SLC25A12: variants seen among roughly 807,000 people sequenced by gnomAD.
The protein encoded by SLC25A12 is solute carrier family 25 member 12.
A neutral mutation model predicts 83.3 loss-of-function variants in SLC25A12; 32 were observed. The ratio of observed to expected loss-of-function variants is 0.38; its 90% CI spans 0.29 to 0.52. The LOEUF is 0.52. Among genes scored for constraint, SLC25A12 ranks in the 20% least tolerant of loss-of-function variants. The probability of loss-of-function intolerance (pLI) is 0.84; values close to 1 mark genes in which losing one functional copy is unlikely to be tolerated. For synonymous variants in SLC25A12, 267 were observed against 291.1 expected (o/e 0.92, Z 0.84); for missense variants, 611 against 835.6 (o/e 0.73, Z 3.31).
intron 9 of SLC25A12, among the ~76,000 whole-genome samples, chr2:171,822,021 C>A (rs1463625398): frequency 1.3e-5 from 2 of 151,916 alleles, no homozygotes; most frequent in Non-Finnish European, 1.5e-5. Context: ...TGTTGAATAT[C>A]CATCATTAAT....
At chr2:171,872,081 A>G (rs569904128) in intron 2 of SLC25A12, among the ~76,000 whole-genome samples, 18 of 152,254 alleles carry the variant, frequency 1.2e-4, no homozygotes, top group Admixed American at 1.1e-3. Flanking sequence ...TGTTCTCTAT[A>G]CATGACTATA....
intron 3 of SLC25A12, among the ~76,000 whole-genome samples, chr2:171,857,723 A>C (rs944337607): frequency 1.3e-5 from 2 of 151,744 alleles, no homozygotes; most frequent in African/African-American, 4.8e-5. Flanking sequence ...TAAAAGGAAA[A>C]ATCAAAACAA....
intron 13 of SLC25A12, among the ~76,000 whole-genome samples, chr2:171,806,181 C>T (rs961664773): frequency 2.0e-5 from 3 of 152,080 alleles, no homozygotes; most frequent in South Asian, 4.2e-4. Context: ...TCATAAAGAC[C>T]GGGTGTGGTG....
intron 3 of SLC25A12, among the ~76,000 whole-genome samples, chr2:171,864,605 G>C (rs911116713): frequency 2.6e-5 from 4 of 152,118 alleles, no homozygotes; most frequent in African/African-American, 4.8e-5. Context: ...GAGCACATGC[G>C]CACGCACACA....
chr2:171,808,902 T>C (rs982673954), intron 13 of SLC25A12, among the ~76,000 whole-genome samples: 2 of 142,578 alleles, frequency 1.4e-5, no homozygotes, highest in South Asian at 5.1e-4. Context: ...CCCTGCCCTG[T>C]GTCCAGGTGT....
intron 6 of SLC25A12, 81 bp downstream of exon 6, chr2:171,837,040 G>A (rs1684575381): frequency 7.4e-7 from 1 of 1,344,868 alleles, no homozygotes; most frequent in Admixed American, 1.8e-5. Context: ...AGAGTCATAT[G>A]AGTCCCTGGA....
intron 2 of SLC25A12, among the ~76,000 whole-genome samples, chr2:171,889,824 G>A (rs544637060): frequency 6.6e-6 from 1 of 151,942 alleles, no homozygotes; most frequent in African/African-American, 2.4e-5. Context: ...CACATAGTCT[G>A]ACATTAATTT....
At position 171,791,477 on chromosome 2, in the gene SLC25A12, T is replaced by C. The variant is rs1683455825; in HGVS notation, c.1559A>G (p.Asn520Ser). 6.2e-7 allele frequency: 1 copy of C among 1,614,004 alleles called. No homozygotes were observed. The highest frequency in any genetic ancestry group is 8.5e-7 in the Non-Finnish European group (1 of 1,180,012). Residue 520 changes from asparagine to serine, a missense_variant, in exon 15 of 18, where the codon AAT (asparagine) becomes AGT (serine). Around this residue, in one of 3 missense-constraint regions of SLC25A12, gnomAD observed 540 missense variants for 777.5 expected, o/e 0.69. Transcript: ENST00000422440. ...ADENGHVGGL[N>S]LLAAGAMAGV... ...TGCCATGGCTCCAGCTGCAAGAAGA[T>C]TTAAACCTCCCACGTGTCCATTTTC...
chr2:171,827,028 T>A (rs1359788408), intron 8 of SLC25A12, 146 bp from the exon 9 acceptor site: 5 of 651,314 alleles, frequency 7.7e-6, no homozygotes, highest in Non-Finnish European at 1.4e-5. Context: ...TTTAGTGAAA[T>A]AAAAACCTTT....
At chr2:171,873,510 CATGAAA>C (rs947764887) in intron 2 of SLC25A12, among the ~76,000 whole-genome samples, 5 of 152,068 alleles carry the variant, frequency 3.3e-5, no homozygotes, top group African/African-American at 1.2e-4. Context: ...ACACAGTGGG[CATGAAA>C]AAGAAGACAG....
chr2:171,861,127 A>AAAT (rs531064562), intron 3 of SLC25A12, among the ~76,000 whole-genome samples: 5 of 150,776 alleles, frequency 3.3e-5, no homozygotes, highest in African/African-American at 9.7e-5. Context: ...ATAAATAATA[A>AAAT]AATAATAATA....
intron 4 of SLC25A12, 135 bp downstream of exon 4, chr2:171,855,699 C>A: frequency 1.4e-6 from 1 of 724,646 alleles, no homozygotes; most frequent in Admixed American, 2.1e-5. Flanking sequence ...TCATTATCTG[C>A]ATAAATCCTT....
At chr2:171,791,696 T>A in intron 14 of SLC25A12, 107 bp from the exon 15 acceptor site, 1 of 1,044,566 alleles carries the variant, frequency 9.6e-7, no homozygotes, top group East Asian at 2.4e-5. Flanking sequence ...TGTCCCTCAG[T>A]GACAAGCCTG....
At chr2:171,842,266 C>A (rs549226470) in intron 5 of SLC25A12, among the ~76,000 whole-genome samples, 2 of 150,676 alleles carry the variant, frequency 1.3e-5, no homozygotes, top group Non-Finnish European at 3.0e-5. Flanking sequence ...AAACATTATG[C>A]TAAGTGGAAA....
chr2:171,852,188 G>A (rs901508380), intron 4 of SLC25A12, among the ~76,000 whole-genome samples: 2 of 152,164 alleles, frequency 1.3e-5, no homozygotes, highest in African/African-American at 2.4e-5. Flanking sequence ...GTTCTGAAAT[G>A]GATTTCCAAG....
At chr2:171,812,804 T>C (rs1341104067) in intron 11 of SLC25A12, among the ~76,000 whole-genome samples, 1 of 151,468 alleles carries the variant, frequency 6.6e-6, no homozygotes, top group Non-Finnish European at 1.5e-5. Context: ...TTTTCCTTTT[T>C]TTTTTTTTTT....
chr2:171,880,843 T>G (rs181838469), intron 2 of SLC25A12, among the ~76,000 whole-genome samples: 39 of 152,312 alleles, frequency 2.6e-4, no homozygotes, highest in Non-Finnish European at 4.7e-4. Context: ...CTTTACACAC[T>G]AACATACCTG....
intron 4 of SLC25A12, among the ~76,000 whole-genome samples, chr2:171,848,638 AC>A: frequency 6.6e-6 from 1 of 152,160 alleles, no homozygotes; most frequent in Non-Finnish European, 1.5e-5. Context: ...AGGAAAACAA[AC>A]AACAACAACA....
intron 9 of SLC25A12, among the ~76,000 whole-genome samples, chr2:171,816,129 A>G (rs547808076): frequency 1.3e-5 from 2 of 149,812 alleles, no homozygotes; most frequent in South Asian, 2.1e-4. Context: ...GCAGTGGCAC[A>G]AACATGGCTC....
Sources: gnomAD v4.1 joint callset for allele counts (sites outside exome capture counted in the v4.1 genomes callset) on GRCh38, gnomAD v4.1.1 for gene constraint, gnomAD v4.1.1 regional missense constraint, MANE v1.5 for transcripts, NCBI Gene and HGNC (gene_info 2026-07-23, HGNC 2026-07-21) for gene names.